Variants in ERC1 observed in about 807,000 individuals in gnomAD.
ERC1 encodes ELKS/RAB6-interacting/CAST family member 1.
A neutral mutation model predicts 132.0 loss-of-function variants in ERC1; 56 were observed. The ratio of observed to expected loss-of-function variants is 0.42; its 90% confidence interval spans 0.34 to 0.53. The LOEUF (loss-of-function observed/expected upper bound fraction) is 0.53, where lower values mean the gene tolerates loss of function less well. Ranked by LOEUF, ERC1 falls within the 20% of genes least tolerant of loss-of-function variation. The pLI is 0.03. For synonymous variants in ERC1, 478 were observed against 476.1 expected (o/e 1.00, Z -0.05); for missense variants, 1,202 against 1,349.9 (o/e 0.89, Z 1.72).
intron 14 of ERC1, among the ~76,000 whole-genome samples, chr12:1,265,557 C>T (rs914859670): frequency 6.6e-6 from 1 of 152,044 alleles, no homozygotes; most frequent in Non-Finnish European, 1.5e-5. Context: ...ATTAATGAAC[C>T]AGTTTTAATA....
At chr12:1,287,569 C>T (rs1243722526) in intron 14 of ERC1, among the ~76,000 whole-genome samples, 1 of 152,190 alleles carries the variant, frequency 6.6e-6, no homozygotes, top group Non-Finnish European at 1.5e-5. Context: ...TGATCTTTCC[C>T]AAGTGAGAGA....
intron 2 of ERC1, among the ~76,000 whole-genome samples, chr12:1,062,997 G>T (rs1938334416): frequency 6.6e-6 from 1 of 152,062 alleles, no homozygotes; most frequent in Non-Finnish European, 1.5e-5. Flanking sequence ...TATTTTGTTT[G>T]ATATAAATAT....
At chr12:1,009,125 C>T (rs1197854941) in intron 1 of ERC1, among the ~76,000 whole-genome samples, 2 of 151,532 alleles carry the variant, frequency 1.3e-5, no homozygotes, top group African/African-American at 2.4e-5. Context: ...ATAAAAGCAT[C>T]TTGGTGAGAG....
chr12:1,452,569 T>C (rs1230040767), intron 18 of ERC1, among the ~76,000 whole-genome samples: 2 of 152,224 alleles, frequency 1.3e-5, no homozygotes, highest in African/African-American at 2.4e-5. Flanking sequence ...TACCATTATG[T>C]ATTTGTTAGA....
chr12:1,287,846 C>A (rs893265524), intron 14 of ERC1, among the ~76,000 whole-genome samples: 1 of 152,202 alleles, frequency 6.6e-6, no homozygotes, highest in African/African-American at 2.4e-5. Flanking sequence ...TTTATTTACA[C>A]ATATACACTC....
At chr12:1,437,440 A>C (rs1206347953) in intron 17 of ERC1, among the ~76,000 whole-genome samples, 1 of 152,230 alleles carries the variant, frequency 6.6e-6, no homozygotes, top group African/African-American at 2.4e-5. Flanking sequence ...AGATGCCTAC[A>C]GTCTTGACAT....
intron 8 of ERC1, among the ~76,000 whole-genome samples, chr12:1,167,904 C>A (rs543419773): frequency 6.6e-6 from 1 of 151,842 alleles, no homozygotes; most frequent in Non-Finnish European, 1.5e-5. Flanking sequence ...TTACTGCAGA[C>A]GGGGTTTCAG....
intron 18 of ERC1, among the ~76,000 whole-genome samples, chr12:1,445,633 C>T (rs977839435): frequency 3.9e-5 from 6 of 152,272 alleles, no homozygotes; most frequent in South Asian, 2.1e-4. Context: ...TTTTCCTCTT[C>T]GATTCAAGTT....
At chr12:1,061,596 C>G (rs1275103336) in intron 2 of ERC1, among the ~76,000 whole-genome samples, 1 of 152,090 alleles carries the variant, frequency 6.6e-6, no homozygotes, top group Non-Finnish European at 1.5e-5. Flanking sequence ...GAGCAAGACC[C>G]TGTCTCAGAA....
At chr12:1,204,171 T>G (rs1490623680) in intron 12 of ERC1, 1 of 230,702 alleles carries the variant, frequency 4.3e-6, no homozygotes, top group East Asian at 8.6e-5. Flanking sequence ...TAAATGAGAA[T>G]GAGATGGCTA....
At chr12:1,402,102 G>C (rs1172269513) in intron 16 of ERC1, among the ~76,000 whole-genome samples, 1 of 152,086 alleles carries the variant, frequency 6.6e-6, no homozygotes, top group Non-Finnish European at 1.5e-5. Context: ...AGAAAATAAG[G>C]AAATTGCAAA....
Position 1,495,741 on chromosome 12 carries a change from C to T in ERC1, c.*5511C>T, listed in dbSNP as rs944434846. The stretch of plus-strand genomic sequence containing the variant: ...CCTCCATGGTGGTGTCTGGGATGCA[C>T]GTGCACCCGCTGCCTTCAGCTGTAT... On this transcript the variant is annotated 3_prime_UTR_variant, in exon 19 of 19. Coordinates refer to ENST00000360905, the MANE Select transcript of ERC1 (RefSeq NM_178040.4). 3.1e-5 allele frequency: 7 copies of T among 223,454 alleles called. No individual in the cohort carries two copies. Among genetic ancestry groups the T allele is most frequent in the Non-Finnish European group, 5.4e-5 (6 of 111,966 alleles). The allele number at this position is 223,454 out of a possible 1,614,324, so 13.8% of individuals were successfully genotyped here.
At chr12:1,021,255 A>G (rs1247101807) in intron 1 of ERC1, among the ~76,000 whole-genome samples, 2 of 151,934 alleles carry the variant, frequency 1.3e-5, no homozygotes, top group African/African-American at 2.4e-5. Context: ...CTCTTATTTC[A>G]TATACACCCT....
chr12:1,135,944 G>C (rs1435090356), intron 7 of ERC1, among the ~76,000 whole-genome samples: 1 of 152,166 alleles, frequency 6.6e-6, no homozygotes, highest in Non-Finnish European at 1.5e-5. Flanking sequence ...GTCATTATCA[G>C]GTATTTTCAG....
intron 18 of ERC1, among the ~76,000 whole-genome samples, chr12:1,479,607 A>C (rs775789776): frequency 3.9e-5 from 6 of 152,178 alleles, no homozygotes; most frequent in African/African-American, 1.4e-4. Flanking sequence ...AGGAAGAGAA[A>C]AGTTGCTACT....
At chr12:1,126,882 G>A (rs1310786408) in intron 7 of ERC1, among the ~76,000 whole-genome samples, 1 of 151,716 alleles carries the variant, frequency 6.6e-6, no homozygotes, top group African/African-American at 2.4e-5. Context: ...CAGCTACTCA[G>A]GAGGCTGAGG....
At chr12:1,455,282 G>A (rs999863423) in intron 18 of ERC1, among the ~76,000 whole-genome samples, 5 of 152,110 alleles carry the variant, frequency 3.3e-5, no homozygotes, top group African/African-American at 1.2e-4. Context: ...ATTAACTGTA[G>A]TCACCCTATT....
intron 8 of ERC1, among the ~76,000 whole-genome samples, chr12:1,164,576 G>A (rs534910018): frequency 6.6e-6 from 1 of 152,110 alleles, no homozygotes; most frequent in Non-Finnish European, 1.5e-5. Flanking sequence ...TCCTGACCTC[G>A]TGATCCGCCC....
intron 18 of ERC1, among the ~76,000 whole-genome samples, chr12:1,483,751 G>A (rs899404303): frequency 1.4e-4 from 19 of 135,142 alleles, no homozygotes; most frequent in Admixed American, 1.1e-3. Flanking sequence ...GTGCAGTGGC[G>A]CGATCTCGCC....
Sources: gnomAD v4.1 joint callset for allele counts (sites outside exome capture counted in the v4.1 genomes callset) on GRCh38, gnomAD v4.1.1 for gene constraint, MANE v1.5 for transcripts, NCBI Gene and HGNC (gene_info 2026-07-23, HGNC 2026-07-21) for gene names.